Variants in PHF20L1 observed in about 807,000 individuals in gnomAD.
PHF20L1 encodes PHD finger protein 20-like protein 1.
In PHF20L1, 44 loss-of-function variants were observed where a neutral mutation model predicts 125.5. That is an observed-to-expected ratio of 0.35 (90% CI 0.28 to 0.45). The LOEUF (loss-of-function observed/expected upper bound fraction) is 0.45. PHF20L1 is among the 20% of genes least tolerant of loss of function. The pLI is 1.00. For missense variants in PHF20L1, 1,012 were observed against 1,217.2 expected (o/e 0.83, Z 2.51); for synonymous variants, 380 against 403.1 (o/e 0.94, Z 0.69).
rs1243162919 is a variant in PHF20L1 at position 132,803,892 on chromosome 8, G to A, written c.581G>A (p.Ser194Asn). Residue 194 changes from serine (S) to asparagine (N), a missense_variant, in exon 7 of 21, where the codon AGC becomes AAC. Ser to Asn is a conservative substitution (Grantham distance 46, BLOSUM62 1). Transcript: ENST00000395386. The stretch of plus-strand genomic sequence containing the variant: ...AAAACAGGGAGTAAACCTCGAACCA[G>A]CGCTAACAGCAATAAAGATAAGGAT... Reference protein sequence around the residue: ...KNKTGSKPRTSANSNKDKDKD... With the variant: ...KNKTGSKPRTNANSNKDKDKD... The A allele has an allele frequency of 1.9e-6, 3 of 1,610,714 alleles. No homozygotes were observed. The highest frequency in any genetic ancestry group is 2.5e-6 in the Non-Finnish European group (3 of 1,177,820).
At chr8:132,798,099 T>G (rs1280518223) in intron 4 of PHF20L1, among the ~76,000 whole-genome samples, 1 of 152,036 alleles carries the variant, frequency 6.6e-6, no homozygotes, top group Admixed American at 6.6e-5. Context: ...TAGGATGAGT[T>G]TGTGGGAAAG....
At chr8:132,814,967 T>A (rs181204516) in intron 10 of PHF20L1, 78 bp downstream of exon 10, 67 of 1,167,656 alleles carry the variant, frequency 5.7e-5, no homozygotes, top group Non-Finnish European at 7.8e-5. Flanking sequence ...TTATATTGTA[T>A]TTTTATGAAG....
At chr8:132,828,810 C>T (rs1167976608) in intron 14 of PHF20L1, among the ~76,000 whole-genome samples, 1 of 151,824 alleles carries the variant, frequency 6.6e-6, no homozygotes, top group African/African-American at 2.4e-5. Context: ...TGCAGGCATA[C>T]AGAGATTAAA....
At chr8:132,823,199 C>T (rs1045986623) in intron 12 of PHF20L1, among the ~76,000 whole-genome samples, 1 of 151,832 alleles carries the variant, frequency 6.6e-6, no homozygotes, top group East Asian at 1.9e-4. Flanking sequence ...GTTTGCAGAA[C>T]AGTTTTATTT....
At chr8:132,789,779 T>C (rs1307781274) in intron 2 of PHF20L1, among the ~76,000 whole-genome samples, 2 of 152,142 alleles carry the variant, frequency 1.3e-5, no homozygotes, top group Admixed American at 1.3e-4. Context: ...GGAAGGGATA[T>C]AGCAGAAATT....
At chr8:132,807,883 TA>T in intron 8 of PHF20L1, 1 of 385,604 alleles carries the variant, frequency 2.6e-6, no homozygotes, top group South Asian at 2.0e-5. Context: ...TTTTATCCCA[TA>T]GGGGTATTCT....
At chr8:132,819,907 T>C (rs1217098143) in intron 12 of PHF20L1, among the ~76,000 whole-genome samples, 2 of 151,952 alleles carry the variant, frequency 1.3e-5, no homozygotes, top group Non-Finnish European at 2.9e-5. Context: ...GTGAAATTGT[T>C]CAACATGGTT....
intron 19 of PHF20L1, chr8:132,843,354 T>A: frequency 9.2e-6 from 9 of 979,028 alleles, no homozygotes; most frequent in Non-Finnish European, 1.1e-5. Flanking sequence ...ATTGGACATC[T>A]ATAAACTTAT....
At chr8:132,833,875 G>T (rs1432608252) in intron 15 of PHF20L1, among the ~76,000 whole-genome samples, 2 of 152,118 alleles carry the variant, frequency 1.3e-5, no homozygotes, top group African/African-American at 4.8e-5. Context: ...ATGTTAGCAT[G>T]TGTCAGAACT....
rs1370596985 is a variant in PHF20L1, at chr8:132,847,843, AAAAG to A, written c.*1921_*1924del. On this transcript the variant is annotated 3_prime_UTR_variant, in exon 21 of 21. Transcript: ENST00000395386. Reference sequence around the variant, plus strand: ...TGCTTAAATTTACATATCAAAGTAAAAAAGTAGTGCCTGTATTCCATGTGTGGAG... The same window carrying A: ...TGCTTAAATTTACATATCAAAGTAAATAGTGCCTGTATTCCATGTGTGGAG... The A allele has an allele frequency of 6.6e-6, 1 of 152,478 alleles. No individual in the cohort carries two copies. The highest frequency in any genetic ancestry group is 2.4e-5 in the African/African-American group (1 of 41,456). 9.4% of individuals were successfully genotyped at this position (152,478 alleles called of 1,614,324 possible).
intron 17 of PHF20L1, chr8:132,839,140 C>T (rs900604455): frequency 1.3e-5 from 6 of 446,580 alleles, no homozygotes; most frequent in Non-Finnish European, 2.4e-5. Flanking sequence ...TCAAGGTTCC[C>T]TTTGCAAGTG....
At chr8:132,800,506 A>AG (rs35464031) in intron 6 of PHF20L1, among the ~76,000 whole-genome samples, 39,796 of 151,406 alleles carry the variant, frequency 0.26, 6,381 homozygotes, top group South Asian at 0.46. Context: ...GGCAAAGCTA[A>AG]GGGGGGCCTA....
At position 132,847,912 on chromosome 8, in the gene PHF20L1, A is replaced by G. The variant is rs1289651238; in HGVS notation, c.*1989A>G. 1 of 151,996 alleles carries G rather than the reference A, an allele frequency of 6.6e-6. No individual in the cohort carries two copies. The highest frequency in any genetic ancestry group is 1.5e-5 in the Non-Finnish European group (1 of 67,904). 9.4% of individuals were successfully genotyped at this position (151,996 alleles called of 1,614,324 possible). ...TCTATATTTTATGATTGATACTATT[A>G]TTTTTCCTTTGCATTTTAAAATAGT... On this transcript the variant is annotated 3_prime_UTR_variant, in exon 21 of 21. Transcript: ENST00000395386.
rs766161401 is a variant in PHF20L1, at chr8:132,803,893, C to T, written c.582C>T (p.Ser194=). 8.7e-6 allele frequency: 14 copies of T among 1,609,860 alleles called. No homozygotes were observed. The highest frequency in any genetic ancestry group is 4.0e-5 in the African/African-American group (3 of 74,670). The change falls in exon 7 of 21, where the codon AGC becomes AGT. Residue 194 remains serine (S), a synonymous_variant. Transcript: ENST00000395386. ...KNKTGSKPRT[S]ANSNKDKDKD... ...AAACAGGGAGTAAACCTCGAACCAG[C>T]GCTAACAGCAATAAAGATAAGGATA...
intron 12 of PHF20L1, among the ~76,000 whole-genome samples, chr8:132,821,239 T>C (rs1407351300): frequency 1.3e-5 from 2 of 152,040 alleles, no homozygotes; most frequent in Non-Finnish European, 2.9e-5. Flanking sequence ...CTTACATAGA[T>C]ACTATGATAC....
At chr8:132,795,804 T>C (rs1832319577) in intron 4 of PHF20L1, among the ~76,000 whole-genome samples, 1 of 152,088 alleles carries the variant, frequency 6.6e-6, no homozygotes, top group South Asian at 2.1e-4. Context: ...ATTTATAAAT[T>C]AGGCACAGTA....
chr8:132,787,990 T>C (rs1437721978), intron 2 of PHF20L1, among the ~76,000 whole-genome samples: 1 of 152,130 alleles, frequency 6.6e-6, no homozygotes, highest in Non-Finnish European at 1.5e-5. Flanking sequence ...ACCATAGTTA[T>C]AGATGAAGTT....
chr8:132,797,030 C>T (rs1011156817), intron 4 of PHF20L1, among the ~76,000 whole-genome samples: 1 of 152,004 alleles, frequency 6.6e-6, no homozygotes, highest in African/African-American at 2.4e-5. Flanking sequence ...TTATTCTATC[C>T]CTTTCATCTA....
At chr8:132,825,739 G>T (rs1344552225) in intron 14 of PHF20L1, among the ~76,000 whole-genome samples, 1 of 152,028 alleles carries the variant, frequency 6.6e-6, no homozygotes, top group African/African-American at 2.4e-5. Flanking sequence ...GATATTTTTA[G>T]AAGAATTTGA....
Sources: allele counts gnomAD v4.1 joint callset (sites outside exome capture counted in the v4.1 genomes callset), GRCh38; gene constraint gnomAD v4.1.1; transcripts MANE v1.5; gene names NCBI Gene and HGNC (gene_info 2026-07-23, HGNC 2026-07-21).